Variants in PTPRM observed in about 807,000 individuals in gnomAD.
The protein encoded by PTPRM is receptor-type tyrosine-protein phosphatase mu.
Under a neutral mutation model 186.7 loss-of-function variants are expected in PTPRM, and 47 were observed. The observed-to-expected ratio is 0.25, with a 90% CI of 0.20 to 0.32. The LOEUF (loss-of-function observed/expected upper bound fraction) is 0.32. Ranked by LOEUF, PTPRM falls within the 10% of genes least tolerant of loss-of-function variation. The probability of loss-of-function intolerance (pLI) is 1.00; values close to 1 mark genes in which losing one functional copy is unlikely to be tolerated. For missense variants in PTPRM, 1,494 were observed against 1,865.0 expected, an observed-to-expected ratio of 0.80 and a Z score of 3.66; for synonymous variants, 668 against 674.9, an observed-to-expected ratio of 0.99 and a Z score of 0.16.
chr18:7,727,401 T>G (rs1402984990), intron 1 of PTPRM, among the ~76,000 whole-genome samples: 1 of 152,236 alleles, frequency 6.6e-6, no homozygotes, highest in Non-Finnish European at 1.5e-5. Context: ...TTATTTTGGC[T>G]TATAAGGAAA....
At chr18:7,769,112 T>C (rs2042153875) in intron 1 of PTPRM, among the ~76,000 whole-genome samples, 1 of 152,118 alleles carries the variant, frequency 6.6e-6, no homozygotes, top group Admixed American at 6.5e-5. Context: ...GAGAACTCTG[T>C]TCATTAACTT....
chr18:8,006,317 A>G (rs1303054933), intron 7 of PTPRM, among the ~76,000 whole-genome samples: 1 of 152,220 alleles, frequency 6.6e-6, no homozygotes, highest in East Asian at 1.9e-4. Context: ...ATGGGCCTGT[A>G]TGCTATGCAT....
intron 14 of PTPRM, among the ~76,000 whole-genome samples, chr18:8,240,476 A>AGGGAGGGG (rs2094403640): frequency 2.6e-5 from 1 of 38,362 alleles, no homozygotes; most frequent in Non-Finnish European, 4.8e-5. Context: ...GGAGGGAGGG[A>AGGGAGGGG]GGGGAGGAGA....
chr18:8,232,876 C>T (rs2094303859), intron 14 of PTPRM, among the ~76,000 whole-genome samples: 1 of 152,148 alleles, frequency 6.6e-6, no homozygotes, highest in Non-Finnish European at 1.5e-5. Context: ...CTGTACACAG[C>T]CTTCCATATT....
intron 13 of PTPRM, among the ~76,000 whole-genome samples, chr18:8,124,639 G>T (rs555617237): frequency 2.0e-5 from 3 of 152,308 alleles, no homozygotes; most frequent in African/African-American, 7.2e-5. Context: ...AGAAAAGACA[G>T]CAGTTTTATA....
At chr18:7,935,502 T>A (rs922659365) in intron 5 of PTPRM, among the ~76,000 whole-genome samples, 1 of 152,150 alleles carries the variant, frequency 6.6e-6, no homozygotes, top group African/African-American at 2.4e-5. Flanking sequence ...TAATTAATAA[T>A]TTTTCCTTTG....
chr18:8,089,655 G>T (rs2090610014), intron 11 of PTPRM, among the ~76,000 whole-genome samples: 2 of 152,112 alleles, frequency 1.3e-5, no homozygotes, highest in African/African-American at 2.4e-5. Context: ...TTGGAAGAAA[G>T]ATTTACATTG....
At chr18:7,746,814 T>G (rs1281934015) in intron 1 of PTPRM, among the ~76,000 whole-genome samples, 1 of 152,140 alleles carries the variant, frequency 6.6e-6, no homozygotes, top group East Asian at 1.9e-4. Context: ...TTTCCACATT[T>G]CTTTTTACCA....
intron 14 of PTPRM, among the ~76,000 whole-genome samples, chr18:8,224,903 A>G (rs2094195559): frequency 6.6e-6 from 1 of 152,142 alleles, no homozygotes; most frequent in Non-Finnish European, 1.5e-5. Context: ...AATTTTTCAT[A>G]AGTAGTGTTC....
At chr18:8,200,948 T>C (rs1299334745) in intron 14 of PTPRM, among the ~76,000 whole-genome samples, 8 of 152,214 alleles carry the variant, frequency 5.3e-5, no homozygotes, top group Non-Finnish European at 1.0e-4. Flanking sequence ...TTTGTGTTAC[T>C]CTAAATGGTA....
chr18:7,612,791 G>T (rs890824409), intron 1 of PTPRM, among the ~76,000 whole-genome samples: 1 of 152,128 alleles, frequency 6.6e-6, no homozygotes, highest in African/African-American at 2.4e-5. Flanking sequence ...ATTTCTTTTA[G>T]CATTGTGTAG....
chr18:7,984,348 C>T (rs2082716921), intron 7 of PTPRM, among the ~76,000 whole-genome samples: 1 of 151,788 alleles, frequency 6.6e-6, no homozygotes, highest in Non-Finnish European at 1.5e-5. Flanking sequence ...AAATGGTATT[C>T]AGAGGTCACA....
At chr18:8,390,754 C>G (rs2095805805) in intron 31 of PTPRM, among the ~76,000 whole-genome samples, 2 of 151,946 alleles carry the variant, frequency 1.3e-5, no homozygotes, top group South Asian at 2.1e-4. Flanking sequence ...CGGTGAAACC[C>G]CGTCTCTACT....
chr18:8,138,365 C>T (rs962561893), intron 13 of PTPRM, among the ~76,000 whole-genome samples: 1 of 152,118 alleles, frequency 6.6e-6, no homozygotes, highest in Non-Finnish European at 1.5e-5. Context: ...CCACCTTCCC[C>T]TTCTCTCTCA....
intron 7 of PTPRM, among the ~76,000 whole-genome samples, chr18:8,061,545 C>G (rs1234393635): frequency 3.4e-5 from 3 of 88,950 alleles, no homozygotes; most frequent in Admixed American, 1.1e-4. Flanking sequence ...GCAGTTTCTT[C>G]CTAGTCTCGA....
At chr18:8,130,357 G>C (rs1046532121) in intron 13 of PTPRM, among the ~76,000 whole-genome samples, 1 of 152,120 alleles carries the variant, frequency 6.6e-6, no homozygotes, top group South Asian at 2.1e-4. Context: ...TGGAAAGCCT[G>C]GGCTCCATGA....
At chr18:7,710,990 G>C (rs1278012498) in intron 1 of PTPRM, among the ~76,000 whole-genome samples, 1 of 152,150 alleles carries the variant, frequency 6.6e-6, no homozygotes, top group Admixed American at 6.5e-5. Context: ...AAGCTACAGA[G>C]TCAACTCAGT....
At chr18:8,088,452 T>C (rs1247880716) in intron 10 of PTPRM, among the ~76,000 whole-genome samples, 3 of 151,794 alleles carry the variant, frequency 2.0e-5, no homozygotes, top group Non-Finnish European at 4.4e-5. Flanking sequence ...TCACAAGCTA[T>C]GCTCATTTAG....
intron 2 of PTPRM, among the ~76,000 whole-genome samples, chr18:7,850,298 C>G (rs1289130473): frequency 6.6e-6 from 1 of 152,140 alleles, no homozygotes; most frequent in Non-Finnish European, 1.5e-5. Flanking sequence ...ATTCTGTTTT[C>G]AGTAATGGTT....
Sources: allele counts gnomAD v4.1 joint callset (sites outside exome capture counted in the v4.1 genomes callset), GRCh38; gene constraint gnomAD v4.1.1; transcripts MANE v1.5; gene names NCBI Gene and HGNC (gene_info 2026-07-23, HGNC 2026-07-21).